The following CSNK1G3 variants were observed in gnomAD, a reference collection of about 807,000 sequenced individuals.
The protein encoded by CSNK1G3 is casein kinase 1 gamma 3.
Under a neutral mutation model 64.3 loss-of-function variants are expected in CSNK1G3, and 23 were observed. The ratio of observed to expected loss-of-function variants is 0.36; its 90% CI spans 0.26 to 0.51. CSNK1G3 has a LOEUF of 0.51. Ranked by LOEUF, CSNK1G3 falls within the 20% of genes least tolerant of loss-of-function variation. The pLI is 0.96. For missense variants in CSNK1G3, 357 were observed against 510.5 expected (o/e 0.70, Z 2.90); for synonymous variants, 158 against 162.2 (o/e 0.97, Z 0.20).
intron 4 of CSNK1G3, 84 bp from the exon 5 acceptor site, chr5:123,573,308 TA>T: frequency 7.0e-7 from 1 of 1,429,742 alleles, no homozygotes; most frequent in African/African-American, 1.4e-5. Flanking sequence ...CTTGAAACTA[TA>T]AAATTTTAAA....
intron 1 of CSNK1G3, among the ~76,000 whole-genome samples, chr5:123,531,034 A>G (rs564917192): frequency 2.7e-4 from 41 of 152,260 alleles, no homozygotes; most frequent in African/African-American, 9.4e-4. Flanking sequence ...GTATTGTAAT[A>G]TAATTTTTAT....
intron 4 of CSNK1G3, among the ~76,000 whole-genome samples, chr5:123,565,397 G>A (rs1346747305): frequency 6.6e-6 from 1 of 152,124 alleles, no homozygotes; most frequent in African/African-American, 2.4e-5. Context: ...TTGTGCTAAA[G>A]GTTAAGAATG....
intron 1 of CSNK1G3, among the ~76,000 whole-genome samples, chr5:123,536,159 G>A (rs556349173): frequency 9.9e-5 from 15 of 152,170 alleles, no homozygotes; most frequent in Non-Finnish European, 1.6e-4. Context: ...TTATATGCAT[G>A]CACAAGCATT....
chr5:123,590,615 A>G (rs778293231), intron 9 of CSNK1G3, 57 bp downstream of exon 9: 12 of 1,039,804 alleles, frequency 1.2e-5, no homozygotes, highest in East Asian at 2.9e-5. Context: ...TTTTAATAGT[A>G]CAATATCTTC....
intron 4 of CSNK1G3, among the ~76,000 whole-genome samples, chr5:123,562,801 T>C (rs1786033552): frequency 6.6e-6 from 1 of 151,998 alleles, no homozygotes; most frequent in South Asian, 2.1e-4. Flanking sequence ...ATGCAGAAAG[T>C]TTTATATTAA....
At chr5:123,522,212 C>G (rs949337645) in intron 1 of CSNK1G3, among the ~76,000 whole-genome samples, 7 of 152,060 alleles carry the variant, frequency 4.6e-5, no homozygotes, top group African/African-American at 1.4e-4. Flanking sequence ...CCCCTCATGG[C>G]TATCAAAATC....
intron 10 of CSNK1G3, among the ~76,000 whole-genome samples, chr5:123,600,319 G>T (rs1467947778): frequency 3.3e-5 from 5 of 152,024 alleles, no homozygotes; most frequent in African/African-American, 9.7e-5. Flanking sequence ...TGCTTACAAG[G>T]TATCAAATAG....
intron 4 of CSNK1G3, among the ~76,000 whole-genome samples, chr5:123,562,058 G>A (rs1186756551): frequency 6.6e-6 from 1 of 151,964 alleles, no homozygotes; most frequent in African/African-American, 2.4e-5. Flanking sequence ...GTCCAAATTC[G>A]TTTCTCTTTC....
intron 1 of CSNK1G3, among the ~76,000 whole-genome samples, chr5:123,528,928 T>C (rs924113714): frequency 2.0e-5 from 3 of 152,210 alleles, no homozygotes; most frequent in African/African-American, 4.8e-5. Flanking sequence ...AGTCACCCAA[T>C]GTGCGTGTTC....
chr5:123,517,723 T>C (rs1777413892), intron 1 of CSNK1G3, among the ~76,000 whole-genome samples: 1 of 152,184 alleles, frequency 6.6e-6, no homozygotes. Flanking sequence ...CATAGCTCTG[T>C]ATTATAAGAT....
chr5:123,603,004 C>G (rs1794753301), intron 10 of CSNK1G3, among the ~76,000 whole-genome samples: 1 of 152,062 alleles, frequency 6.6e-6, no homozygotes, highest in African/African-American at 2.4e-5. Flanking sequence ...GTATCTTTCC[C>G]AGAGTCTCAT....
intron 10 of CSNK1G3, among the ~76,000 whole-genome samples, chr5:123,600,844 G>A (rs1794370898): frequency 6.6e-6 from 1 of 150,996 alleles, no homozygotes; most frequent in Non-Finnish European, 1.5e-5. Flanking sequence ...ACACTTGCTT[G>A]TGGGCTGTTT....
chr5:123,551,343 C>T (rs1283061727), intron 2 of CSNK1G3, among the ~76,000 whole-genome samples: 1 of 152,052 alleles, frequency 6.6e-6, no homozygotes, highest in Non-Finnish European at 1.5e-5. Context: ...AAACATTGAA[C>T]TAATTGACTA....
chr5:123,565,265 A>G, intron 4 of CSNK1G3, among the ~76,000 whole-genome samples: 1 of 152,192 alleles, frequency 6.6e-6, no homozygotes, highest in Non-Finnish European at 1.5e-5. Context: ...AAAAAAACAT[A>G]TTTATGTTAT....
intron 1 of CSNK1G3, among the ~76,000 whole-genome samples, chr5:123,522,460 A>C (rs1580863720): frequency 6.7e-6 from 1 of 150,102 alleles, no homozygotes; most frequent in African/African-American, 2.5e-5. Flanking sequence ...CCGAGATGAC[A>C]CCATTGCACT....
At chr5:123,588,613 AAG>A (rs1791760778) in intron 8 of CSNK1G3, 102 bp downstream of exon 8, 2 of 769,794 alleles carry the variant, frequency 2.6e-6, no homozygotes, top group Non-Finnish European at 4.3e-6. Context: ...TTAAAAAAAA[AAG>A]AGCTAAAAAT....
intron 12 of CSNK1G3, among the ~76,000 whole-genome samples, chr5:123,612,496 G>A (rs868386807): frequency 0.011 from 1,359 of 124,810 alleles, 28 homozygotes; most frequent in African/African-American, 0.038. Flanking sequence ...TTTTTTTTTT[G>A]GAACAGAGTC....
chr5:123,600,324 A>G (rs903174643), intron 10 of CSNK1G3, among the ~76,000 whole-genome samples: 3 of 152,124 alleles, frequency 2.0e-5, no homozygotes, highest in Non-Finnish European at 4.4e-5. Flanking sequence ...ACAAGGTATC[A>G]AATAGAAATT....
intron 3 of CSNK1G3, among the ~76,000 whole-genome samples, 167 bp from the exon 4 acceptor site, chr5:123,557,328 T>TCC (rs1047573725): frequency 6.6e-6 from 1 of 152,174 alleles, no homozygotes; most frequent in African/African-American, 2.4e-5. Flanking sequence ...TCATTTTATT[T>TCC]TACATTGAAC....
Sources: allele counts gnomAD v4.1 joint callset (sites outside exome capture counted in the v4.1 genomes callset), GRCh38; gene constraint gnomAD v4.1.1; transcripts MANE v1.5; gene names NCBI Gene and HGNC (gene_info 2026-07-23, HGNC 2026-07-21).